Variants in KLHL3 observed in about 807,000 individuals in gnomAD.
KLHL3 encodes the protein kelch-like protein 3.
In KLHL3, 19 loss-of-function variants were observed where a neutral mutation model predicts 70.5. The ratio of observed to expected loss-of-function variants is 0.27; its 90% CI spans 0.19 to 0.40. KLHL3 has a LOEUF of 0.40. Among genes scored for constraint, KLHL3 ranks in the 10% least tolerant of loss-of-function variants. The probability of loss-of-function intolerance (pLI) is 1.00; values close to 1 mark genes in which losing one functional copy is unlikely to be tolerated. For missense variants in KLHL3, 512 were observed against 771.1 expected (o/e 0.66, Z 3.98); for synonymous variants, 258 against 290.3 (o/e 0.89, Z 1.13).
Position 137,720,432 on chromosome 5 carries a change from T to A in KLHL3, c.134+33A>T, listed in dbSNP as rs1192356893. 3 of 1,613,636 alleles carry A rather than the reference T, an allele frequency of 1.9e-6. No homozygotes were observed. The Admixed American group carries it at 5.0e-5, about 27-fold the overall frequency. On this transcript the variant is annotated intron_variant, in intron 2 of 14. Transcript: ENST00000309755. ...TGATGAAGCTCATGGACAAGTTCCTTCTGCAAGGGCACGGACAAGATAGAA... is the reference window on the plus strand; with the variant it reads ...TGATGAAGCTCATGGACAAGTTCCTACTGCAAGGGCACGGACAAGATAGAA...
intron 1 of KLHL3, among the ~76,000 whole-genome samples, chr5:137,731,285 T>A (rs895782282): frequency 5.3e-5 from 8 of 152,322 alleles, no homozygotes; most frequent in Non-Finnish European, 8.8e-5. Flanking sequence ...TTATCATGGT[T>A]GAAATGCGTG....
intron 4 of KLHL3, 59 bp downstream of exon 4, chr5:137,698,228 T>G (rs1161840182): frequency 3.8e-6 from 6 of 1,590,692 alleles, no homozygotes; most frequent in Non-Finnish European, 5.2e-6. Context: ...AAAATAACGC[T>G]GTAAAATGGT....
intron 4 of KLHL3, among the ~76,000 whole-genome samples, chr5:137,693,917 G>A (rs1463236372): frequency 3.3e-5 from 5 of 150,366 alleles, no homozygotes; most frequent in African/African-American, 4.9e-5. Context: ...AGACAGCTCT[G>A]AGTCCTCAGC....
At chr5:137,628,225 G>A (rs1750530181) in intron 13 of KLHL3, 72 bp downstream of exon 13, 1 of 1,567,454 alleles carries the variant, frequency 6.4e-7, no homozygotes, top group Admixed American at 1.7e-5. Flanking sequence ...TCTCCCTGCT[G>A]TTTAGAGCCA....
chr5:137,684,207 A>C (rs1012365864), intron 5 of KLHL3, among the ~76,000 whole-genome samples: 1 of 152,228 alleles, frequency 6.6e-6, no homozygotes, highest in Non-Finnish European at 1.5e-5. Flanking sequence ...CTGAGAAAAT[A>C]ATAACTCTTA....
chr5:137,684,442 T>G (rs1752112565), intron 5 of KLHL3, among the ~76,000 whole-genome samples: 1 of 152,184 alleles, frequency 6.6e-6, no homozygotes. Context: ...CTTCATTCCA[T>G]GATCTCAAAT....
intron 1 of KLHL3, among the ~76,000 whole-genome samples, chr5:137,731,598 A>C (rs1050536002): frequency 2.0e-5 from 3 of 152,220 alleles, no homozygotes; most frequent in Admixed American, 6.5e-5. Context: ...GTCCAAAAAC[A>C]GACTCTCCTT....
intron 14 of KLHL3, among the ~76,000 whole-genome samples, chr5:137,623,370 T>C (rs1423387881): frequency 6.6e-6 from 1 of 152,170 alleles, no homozygotes; most frequent in Non-Finnish European, 1.5e-5. Flanking sequence ...TGCTAAGACA[T>C]CTATTTCCTG....
intron 8 of KLHL3, 105 bp from the exon 9 acceptor site, chr5:137,640,082 G>A: frequency 1.1e-6 from 1 of 912,008 alleles, no homozygotes; most frequent in Non-Finnish European, 1.8e-6. Flanking sequence ...TGGATGATCT[G>A]AGATGCCAGT....
chr5:137,630,534 C>T (rs1750608790), intron 12 of KLHL3, among the ~76,000 whole-genome samples: 1 of 152,190 alleles, frequency 6.6e-6, no homozygotes, highest in Admixed American at 6.5e-5. Context: ...TGTGCTGCCC[C>T]AGGCATGCTG....
intron 1 of KLHL3, among the ~76,000 whole-genome samples, chr5:137,730,385 A>G (rs1753154832): frequency 6.6e-6 from 1 of 152,208 alleles, no homozygotes; most frequent in African/African-American, 2.4e-5. Flanking sequence ...ATATAGCACT[A>G]CTTCACTTCT....
intron 6 of KLHL3, among the ~76,000 whole-genome samples, chr5:137,676,943 G>A (rs371737863): frequency 9.9e-5 from 15 of 152,272 alleles, no homozygotes; most frequent in African/African-American, 3.4e-4. Flanking sequence ...TATGGTAGAG[G>A]TGGAATGAGC....
intron 6 of KLHL3, among the ~76,000 whole-genome samples, chr5:137,671,309 C>T (rs1335274323): frequency 1.3e-5 from 2 of 152,124 alleles, no homozygotes; most frequent in Non-Finnish European, 2.9e-5. Context: ...CTCTCTTTTC[C>T]ATGATGTCTT....
chr5:137,663,053 GTTCTT>G (rs1751521591), intron 6 of KLHL3, among the ~76,000 whole-genome samples: 1 of 130,056 alleles, frequency 7.7e-6, no homozygotes, highest in Non-Finnish European at 1.6e-5. Flanking sequence ...TTGAGCACTC[GTTCTT>G]TTTTTTTTTT....
At chr5:137,682,618 C>G (rs1216673724) in intron 5 of KLHL3, among the ~76,000 whole-genome samples, 1 of 152,130 alleles carries the variant, frequency 6.6e-6, no homozygotes, top group African/African-American at 2.4e-5. Flanking sequence ...AAGTGATAGT[C>G]TTTGGGGTTC....
chr5:137,669,340 T>A (rs1303388495), intron 6 of KLHL3, among the ~76,000 whole-genome samples: 2 of 152,274 alleles, frequency 1.3e-5, no homozygotes, highest in African/African-American at 4.8e-5. Context: ...ATGTCTCTCC[T>A]GTGACTAATA....
intron 1 of KLHL3, 122 bp downstream of exon 1, chr5:137,735,511 C>T (rs1753247214): frequency 3.9e-6 from 3 of 775,608 alleles, no homozygotes; most frequent in Non-Finnish European, 7.0e-6. Flanking sequence ...CTTTAAGATC[C>T]ATCAGTGGCC....
At chr5:137,647,849 T>C (rs1025670625) in intron 8 of KLHL3, among the ~76,000 whole-genome samples, 2 of 152,114 alleles carry the variant, frequency 1.3e-5, no homozygotes, top group Non-Finnish European at 2.9e-5. Context: ...ATCAGACACA[T>C]CTGGGCCCAA....
intron 6 of KLHL3, 95 bp from the exon 7 acceptor site, chr5:137,662,126 A>AG: frequency 7.9e-6 from 5 of 630,884 alleles, no homozygotes; most frequent in South Asian, 7.7e-5. Context: ...GAGAGAGAGA[A>AG]AAAGTTATGA....
Sources: gnomAD v4.1 joint callset for allele counts (sites outside exome capture counted in the v4.1 genomes callset) on GRCh38, gnomAD v4.1.1 for gene constraint, MANE v1.5 for transcripts, NCBI Gene and HGNC (gene_info 2026-07-23, HGNC 2026-07-21) for gene names.